GRHL3: variants seen among roughly 807,000 people sequenced by gnomAD.
The protein encoded by GRHL3 is grainyhead-like protein 3 homolog.
In GRHL3, 20 loss-of-function variants were observed where a neutral mutation model predicts 70.3. The ratio of observed to expected loss-of-function variants is 0.28; its 90% confidence interval spans 0.20 to 0.41. The LOEUF is 0.41. Among genes scored for constraint, GRHL3 ranks in the 10% least tolerant of loss-of-function variants. GRHL3 has a pLI of 1.00. For missense variants in GRHL3, 637 were observed against 762.3 expected (o/e 0.84, Z 1.94); for synonymous variants, 299 against 299.9 (o/e 1.00, Z 0.03).
At chr1:24,356,415 A>G (rs1640720530), downstream of GRHL3, among the ~76,000 whole-genome samples, 1 of 151,062 alleles carries the variant, frequency 6.6e-6, no homozygotes, top group Non-Finnish European at 1.5e-5. Context: ...AATTTTTTGT[A>G]TTTTTAGTAA....
rs569279925 is a variant in GRHL3, at chr1:24,354,663, G to C, written c.*175G>C. ...TCAGGGCCAGGGAGAGACCTAGGGG[G>C]TCCCCTGGCCTGGATCCCCATGGTA... On this transcript the variant is annotated 3_prime_UTR_variant, in exon 16 of 16. Transcript: ENST00000361548. 1.8e-6 allele frequency: 1 copy of C among 551,482 alleles called. No individual in the cohort carries two copies. Among genetic ancestry groups the C allele is most frequent in the East Asian group, 3.1e-5 (1 of 32,268 alleles). 34.2% of individuals were successfully genotyped at this position (551,482 alleles called of 1,614,324 possible). A position where few individuals can be genotyped will look rare whatever the true frequency, so the allele number is the denominator to read the frequency against.
At chr1:24,351,250 A>G (rs749014202) in intron 15 of GRHL3, among the ~76,000 whole-genome samples, 2 of 152,030 alleles carry the variant, frequency 1.3e-5, no homozygotes, top group Non-Finnish European at 2.9e-5. Context: ...CAAGTTTTGT[A>G]CTCAAGCTGA....
intron 6 of GRHL3, 101 bp downstream of exon 6, chr1:24,337,890 G>A: frequency 6.4e-7 from 1 of 1,567,298 alleles, no homozygotes; most frequent in Admixed American, 1.7e-5. Context: ...TTTGATAATA[G>A]CCCATTGCCA....
intron 15 of GRHL3, chr1:24,361,029 G>A: frequency 6.2e-7 from 1 of 1,608,138 alleles, no homozygotes; most frequent in Non-Finnish European, 8.5e-7. Context: ...AGAAGTTCAG[G>A]ATGGGGTTTT....
At chr1:24,355,803 G>A (rs2148670289), downstream of GRHL3, among the ~76,000 whole-genome samples, 2 of 152,302 alleles carry the variant, frequency 1.3e-5, no homozygotes, top group East Asian at 3.9e-4. Context: ...AATCAGCCAT[G>A]GTGACAGTCA....
rs1405288155 is a variant in GRHL3 at position 24,347,453 on chromosome 1, G to A, written c.1544-15G>A. The A allele has an allele frequency of 1.2e-6, 2 of 1,609,770 alleles. No homozygotes were observed. Among genetic ancestry groups the A allele is most frequent in the Non-Finnish European group, 1.7e-6 (2 of 1,176,032 alleles). ...CATTATCTTCCTTGCACTCAAGCTGGCCCTTGCTTTTCAGTTCTGCTGTAT... is the reference window on the plus strand; with the variant it reads ...CATTATCTTCCTTGCACTCAAGCTGACCCTTGCTTTTCAGTTCTGCTGTAT... On this transcript the variant is annotated splice_polypyrimidine_tract_variant and intron_variant, in intron 13 of 15. Transcript: ENST00000361548.
chr1:24,355,987 G>A (rs1640704357), downstream of GRHL3, among the ~76,000 whole-genome samples: 3 of 149,908 alleles, frequency 2.0e-5, no homozygotes, highest in South Asian at 2.1e-4. Context: ...TGCAACCTCC[G>A]CCTCCCGGGT....
intron 11 of GRHL3, among the ~76,000 whole-genome samples, chr1:24,344,524 C>G (rs1640170267): frequency 6.7e-6 from 1 of 150,124 alleles, no homozygotes; most frequent in African/African-American, 2.5e-5. Flanking sequence ...AGCCCTGTTG[C>G]CCTTGCTCCC....
downstream of GRHL3, chr1:24,358,495 G>T: frequency 6.8e-7 from 1 of 1,476,198 alleles, no homozygotes; most frequent in Non-Finnish European, 9.5e-7. Context: ...GGGACGCTGG[G>T]CAGGGTGGGC....
chr1:24,320,601 C>T (rs1557687325), intron 1 of GRHL3, among the ~76,000 whole-genome samples: 3 of 152,324 alleles, frequency 2.0e-5, no homozygotes, highest in Non-Finnish European at 4.4e-5. Flanking sequence ...CTAACTGCTC[C>T]TCAACAGACT....
intron 12 of GRHL3, 134 bp from the exon 13 acceptor site, chr1:24,346,419 C>G (rs184799667): frequency 1.6e-6 from 1 of 616,038 alleles, no homozygotes; most frequent in Non-Finnish European, 2.9e-6. Context: ...TGCTTTACCC[C>G]CACTGTCCCT....
rs1255355481 is a variant in GRHL3 at position 24,354,913 on chromosome 1, C to CAA, written c.*427_*428dup. 6.4e-6 allele frequency: 1 copy of CAA among 157,248 alleles called. No individual in the cohort carries two copies. Among genetic ancestry groups the CAA allele is most frequent in the East Asian group, 1.9e-4 (1 of 5,334 alleles). The allele number at this position is 157,248 out of a possible 1,614,324, so 9.7% of individuals were successfully genotyped here. On this transcript the variant is annotated 3_prime_UTR_variant, in exon 16 of 16. Coordinates refer to ENST00000361548, the MANE Select transcript of GRHL3 (RefSeq NM_198173.3). ...CTCTCTGTCTTCCTTCAACTTCAGA[C>CAA]AAAGGATTTCTCAACCTTTGGTCAG...
chr1:24,343,296 A>C, intron 11 of GRHL3: 1 of 419,270 alleles, frequency 2.4e-6, no homozygotes, highest in Non-Finnish European at 4.4e-6. Flanking sequence ...CTGATATCTG[A>C]CCCCAAATTT....
chr1:24,341,977 T>G, intron 8 of GRHL3, 138 bp from the exon 9 acceptor site: 3 of 716,392 alleles, frequency 4.2e-6, no homozygotes, highest in Non-Finnish European at 6.7e-6. Flanking sequence ...GGAGTGCTGA[T>G]GTTTGCCTTC....
chr1:24,326,000 C>T (rs934219186), intron 1 of GRHL3, among the ~76,000 whole-genome samples: 3 of 152,192 alleles, frequency 2.0e-5, no homozygotes, highest in Non-Finnish European at 2.9e-5. Flanking sequence ...AAGCCAGTGG[C>T]CCTCTCCATG....
intron 8 of GRHL3, among the ~76,000 whole-genome samples, chr1:24,340,480 C>T (rs144059377): frequency 1.1e-3 from 171 of 152,314 alleles, no homozygotes; most frequent in African/African-American, 3.5e-3. Context: ...TGAGCCCAGC[C>T]GCGGGCTTGC....
rs1312507505 is a variant in GRHL3 at position 24,322,540 on chromosome 1, G to A, written c.17+2972G>A. Among the ~76,000 whole-genome samples, 1 of 152,258 alleles carries A rather than the reference G, an allele frequency of 6.6e-6. No individual in the cohort carries two copies. Among genetic ancestry groups the A allele is most frequent in the Non-Finnish European group, 1.5e-5 (1 of 68,046 alleles). On this transcript the variant is annotated intron_variant, in intron 1 of 15. Coordinates refer to ENST00000361548, the MANE Select transcript of GRHL3 (RefSeq NM_198173.3). This position sits in a 1 kb window ranked among gnomAD's most constrained non-coding sequence, Gnocchi z 4.4. The stretch of plus-strand genomic sequence containing the variant: ...TAAAAGCCCTCTTTGAGTTCGGGCT[G>A]TAAAACTGGCGGACTGGGCCGAGAG...
intron 12 of GRHL3, 64 bp downstream of exon 12, chr1:24,344,995 TCCACAC>T (rs1640196030): frequency 3.4e-5 from 26 of 766,318 alleles, no homozygotes; most frequent in African/African-American, 1.4e-4. Context: ...CTGTGCCCCC[TCCACAC>T]CTGTGCCTCC....
At chr1:24,324,625 C>T (rs1345302753) in intron 1 of GRHL3, among the ~76,000 whole-genome samples, 3 of 152,150 alleles carry the variant, frequency 2.0e-5, no homozygotes, top group Non-Finnish European at 2.9e-5. Context: ...AGCCAGCACC[C>T]GGTACTTGGT....
Sources: allele counts gnomAD v4.1 joint callset (sites outside exome capture counted in the v4.1 genomes callset), GRCh38; gene constraint gnomAD v4.1.1; non-coding constraint Gnocchi (gnomAD v3.1); transcripts MANE v1.5; gene names NCBI Gene and HGNC (gene_info 2026-07-23, HGNC 2026-07-21).